LEF1: variants seen among roughly 807,000 people sequenced by gnomAD.
LEF1 encodes the protein lymphoid enhancer binding factor 1.
In LEF1, 14 loss-of-function variants were observed where a neutral mutation model predicts 51.2. That is an observed-to-expected ratio of 0.27 (90% confidence interval 0.18 to 0.43). The LOEUF is 0.43. Among genes scored for constraint, LEF1 ranks in the 20% least tolerant of loss-of-function variants. The pLI, the probability that LEF1 is intolerant of heterozygous loss-of-function variation, is 1.00. For synonymous variants in LEF1, 185 were observed against 183.2 expected, an observed-to-expected ratio of 1.01 and a Z score of -0.08; for missense variants, 386 against 512.0, an observed-to-expected ratio of 0.75 and a Z score of 2.37.
intron 9 of LEF1, among the ~76,000 whole-genome samples, chr4:108,069,408 A>C (rs1738302619): frequency 6.6e-6 from 1 of 152,250 alleles, no homozygotes; most frequent in African/African-American, 2.4e-5. Context: ...CATAAGTGAG[A>C]TGCTCAAATT....
chr4:108,058,160 C>A (rs932823904), intron 11 of LEF1, among the ~76,000 whole-genome samples: 8 of 151,978 alleles, frequency 5.3e-5, no homozygotes, highest in African/African-American at 1.9e-4. Context: ...AGGTGTGAGC[C>A]CCTGTGCCCA....
intron 3 of LEF1, among the ~76,000 whole-genome samples, chr4:108,127,149 A>C (rs949429560): frequency 6.6e-6 from 1 of 152,094 alleles, no homozygotes; most frequent in African/African-American, 2.4e-5. Context: ...GGCAGAAAAA[A>C]ACAGTGCAGG....
intron 3 of LEF1, among the ~76,000 whole-genome samples, chr4:108,090,068 C>T (rs1350399682): frequency 6.6e-6 from 1 of 152,086 alleles, no homozygotes; most frequent in Non-Finnish European, 1.5e-5. Context: ...GCAACCTCCA[C>T]CTTCCGGGTT....
intron 4 of LEF1, among the ~76,000 whole-genome samples, chr4:108,088,190 G>C (rs2110264910): frequency 6.6e-6 from 1 of 152,298 alleles, no homozygotes; most frequent in South Asian, 2.1e-4. Context: ...AGAACACCCA[G>C]CCTCTATGCC....
At chr4:108,166,457 T>C in intron 1 of LEF1, 1 of 1,396,494 alleles carries the variant, frequency 7.2e-7, no homozygotes, top group South Asian at 1.6e-5. Context: ...ATCATTCGGG[T>C]GTCAGGACTT....
intron 3 of LEF1, among the ~76,000 whole-genome samples, chr4:108,107,266 G>GTTT (rs77205957): frequency 7.1e-6 from 1 of 141,526 alleles, no homozygotes; most frequent in Non-Finnish European, 1.5e-5. Context: ...AGAGAAAGGT[G>GTTT]TTTTTTTTTT....
chr4:108,128,698 G>T (rs1293920487), intron 3 of LEF1, among the ~76,000 whole-genome samples: 1 of 151,840 alleles, frequency 6.6e-6, no homozygotes, highest in Non-Finnish European at 1.5e-5. Context: ...AAAGATAATC[G>T]GTATGAACCT....
At chr4:108,096,372 G>A (rs7694643) in intron 3 of LEF1, among the ~76,000 whole-genome samples, 93,479 of 152,030 alleles carry the variant, frequency 0.61, 29,177 homozygotes, top group Middle Eastern at 0.75. Context: ...GTGGAAGGAC[G>A]TGGGGCAGAG....
At position 108,159,459 on chromosome 4, in the gene LEF1, G is replaced by C. The variant is rs968656060; in HGVS notation, c.414+4109C>G. ...GTTAAGTCAAATTCAATAGCTTCTTGCAATAAAGTGAAAAGATACTCTACC... is the reference window on the plus strand; with the variant it reads ...GTTAAGTCAAATTCAATAGCTTCTTCCAATAAAGTGAAAAGATACTCTACC... On this transcript the variant is annotated intron_variant, in intron 3 of 11. Transcript: ENST00000265165. Among the ~76,000 whole-genome samples the C allele has an allele frequency of 2.6e-5, 4 of 152,290 alleles. No individual in the cohort carries two copies. In the East Asian group the frequency reaches 7.7e-4, roughly 29 times the overall value.
At chr4:108,060,806 C>T (rs1204690681) in intron 11 of LEF1, among the ~76,000 whole-genome samples, 1 of 152,000 alleles carries the variant, frequency 6.6e-6, no homozygotes, top group Non-Finnish European at 1.5e-5. Context: ...GAATAGGGAC[C>T]TTCTTTGCTC....
In LEF1 at chr4:108,089,144, T is replaced by G; in HGVS notation, c.528A>C (p.Ser176=). The change falls in exon 4 of 12, where the codon TCA becomes TCC. Residue 176 remains serine (S), a synonymous_variant. Coordinates refer to ENST00000265165, the MANE Select transcript of LEF1 (RefSeq NM_016269.5). The part of the protein sequence containing the change: ...SPGSHPSHIP[S]DVNSKQGMSR... ...TCTCACCTTGTTTGGAGTTGACATC[T>G]GATGGGATGTGTGACGGGTGTGATC... The G allele has an allele frequency of 6.2e-7, 1 of 1,614,016 alleles. No homozygotes were observed. The highest frequency in any genetic ancestry group is 8.5e-7 in the Non-Finnish European group (1 of 1,179,970).
At chr4:108,157,745 G>T (rs921604407) in intron 3 of LEF1, among the ~76,000 whole-genome samples, 8 of 152,206 alleles carry the variant, frequency 5.3e-5, no homozygotes, top group Non-Finnish European at 8.8e-5. Flanking sequence ...CACTGCCCTT[G>T]CAATTTTCCC....
intron 5 of LEF1, 72 bp downstream of exon 5, chr4:108,083,284 T>C (rs1017589551): frequency 9.6e-7 from 1 of 1,038,048 alleles, no homozygotes; most frequent in Non-Finnish European, 1.5e-6. Context: ...TTCATAAATC[T>C]AATTTCCATG....
intron 3 of LEF1, among the ~76,000 whole-genome samples, chr4:108,115,985 T>C (rs1340233807): frequency 6.6e-6 from 1 of 152,162 alleles, no homozygotes; most frequent in South Asian, 2.1e-4. Flanking sequence ...GCTATTTTTG[T>C]AGAGACAATT....
At chr4:108,057,788 C>G (rs552022156) in intron 11 of LEF1, among the ~76,000 whole-genome samples, 8 of 152,230 alleles carry the variant, frequency 5.3e-5, no homozygotes, top group Admixed American at 5.2e-4. Flanking sequence ...GCAATTACCT[C>G]TCATGCTCAT....
Position 108,167,468 on chromosome 4 carries a change from G to C in LEF1, c.213+87C>G. ...ATCTACTCGGGACCCTCAGCCGGGC[G>C]GCCGGGCGCCTTCGTTCCCTTCCTC... On this transcript the variant is annotated intron_variant, in intron 1 of 11. Coordinates refer to ENST00000265165, the MANE Select transcript of LEF1 (RefSeq NM_016269.5). This position sits in a 1 kb window ranked among gnomAD's most constrained non-coding sequence, Gnocchi z 5.7. 1 of 1,360,556 alleles carries C rather than the reference G, an allele frequency of 7.3e-7. No homozygotes were observed. The allele number at this position is 1,360,556 out of a possible 1,614,324, so 84.3% of individuals were successfully genotyped here.
intron 3 of LEF1, among the ~76,000 whole-genome samples, chr4:108,098,641 C>T (rs59361220): frequency 0.038 from 5,706 of 152,050 alleles, 359 homozygotes; most frequent in African/African-American, 0.13. Flanking sequence ...TTTGTCCCAC[C>T]GAGCCTTCTC....
At chr4:108,136,179 T>G (rs898202098) in intron 3 of LEF1, among the ~76,000 whole-genome samples, 1 of 152,226 alleles carries the variant, frequency 6.6e-6, no homozygotes, top group African/African-American at 2.4e-5. Context: ...AGAAGCATAG[T>G]TCATTTTTTC....
chr4:108,072,700 T>C (rs1171473976), intron 8 of LEF1: 1 of 152,210 alleles, frequency 6.6e-6, no homozygotes, highest in East Asian at 1.9e-4. Flanking sequence ...TACAGTTCTT[T>C]GTACTAGTAG....
Sources: allele counts gnomAD v4.1 joint callset (sites outside exome capture counted in the v4.1 genomes callset), GRCh38; gene constraint gnomAD v4.1.1; non-coding constraint Gnocchi (gnomAD v3.1); transcripts MANE v1.5; gene names NCBI Gene and HGNC (gene_info 2026-07-23, HGNC 2026-07-21).